Variants in CCDC57 observed in about 807,000 individuals in gnomAD.
The protein encoded by CCDC57 is coiled-coil domain containing 57.
In CCDC57, 118 loss-of-function variants were observed where a neutral mutation model predicts 118.9. The ratio of observed to expected loss-of-function variants is 0.99; its 90% CI spans 0.86 to 1.16. The LOEUF (loss-of-function observed/expected upper bound fraction) is 1.16. CCDC57 is among the 50% of genes most tolerant of loss of function. CCDC57 has a pLI of 0.00. For missense variants in CCDC57, 1,300 were observed against 1,320.7 expected, an observed-to-expected ratio of 0.98 and a Z score of 0.24; for synonymous variants, 527 against 532.9, an observed-to-expected ratio of 0.99 and a Z score of 0.15.
At chr17:82,164,577 A>C (rs992519785) in intron 13 of CCDC57, among the ~76,000 whole-genome samples, 1 of 152,316 alleles carries the variant, frequency 6.6e-6, no homozygotes, top group African/African-American at 2.4e-5. Context: ...GCAAATGACC[A>C]ATATAATTAA....
intron 9 of CCDC57, 95 bp from the exon 9 acceptor site, chr17:82,179,284 TC>T: frequency 7.2e-7 from 1 of 1,392,384 alleles, no homozygotes; most frequent in Non-Finnish European, 9.7e-7. Context: ...GCTGCCGCTG[TC>T]CCTCCTGCTC....
intron 16 of CCDC57, chr17:82,135,341 A>G (rs1598799356): frequency 1.3e-5 from 2 of 152,208 alleles, no homozygotes; most frequent in Non-Finnish European, 1.5e-5. Flanking sequence ...ACCTCAGGTG[A>G]TCTGCCCGCC....
chr17:82,150,277 A>T (rs2041752859), intron 16 of CCDC57, among the ~76,000 whole-genome samples: 1 of 141,654 alleles, frequency 7.1e-6, no homozygotes, highest in African/African-American at 2.7e-5. Flanking sequence ...ACCCAGAACC[A>T]GGCGCACACC....
rs2050231754 is a variant in CCDC57 at position 82,212,395 on chromosome 17, CTCTTTTTTTTT to C, written c.-211+379_-211+389del. Among the ~76,000 whole-genome samples, 1 of 134,224 alleles carries C rather than the reference CTCTTTTTTTTT, an allele frequency of 7.5e-6. No homozygotes were observed. The highest frequency in any genetic ancestry group is 2.9e-5 in the African/African-American group (1 of 34,278). The allele number at this position is 134,224 out of a possible 152,430, so 88.1% of individuals were successfully genotyped here. A position where few individuals can be genotyped will look rare whatever the true frequency, so the allele number is the denominator to read the frequency against. ...ACCGCCTCCGGCCTTTTTTTTTCCT[CTCTTTTTTTTT>C]TTTTTTTTTTAAACTCACAGACACT... On this transcript the variant is annotated intron_variant, in intron 1 of 19. Transcript: ENST00000665763. This position sits in a 1 kb window ranked among gnomAD's most constrained non-coding sequence, Gnocchi z 4.1.
intron 19 of CCDC57, among the ~76,000 whole-genome samples, chr17:82,111,748 A>G (rs1480435415): frequency 6.6e-6 from 1 of 151,398 alleles, no homozygotes; most frequent in Non-Finnish European, 1.5e-5. Context: ...TTGAAATTAC[A>G]GGCACCTGCC....
rs990933080 is a variant in CCDC57 at position 82,178,529 on chromosome 17, C to T, written c.1451G>A (p.Arg484Gln). 1.9e-5 allele frequency: 31 copies of T among 1,613,712 alleles called. No individual in the cohort carries two copies. Among genetic ancestry groups the T allele is most frequent in the Non-Finnish European group, 2.4e-5 (28 of 1,179,848 alleles). The change falls in exon 11 of 20, where the codon CGA (arginine) becomes CAA (glutamine). Residue 484 changes from arginine (R) to glutamine (Q), a missense_variant. Transcript: ENST00000665763. The stretch of plus-strand genomic sequence containing the variant: ...CCTCAGGGCCTGCACGGCCTGGTCT[C>T]GTTCCAGGGTCACGGCCTTCAGCAC...
chr17:82,113,042 G>A, intron 19 of CCDC57: 1 of 314,824 alleles, frequency 3.2e-6, no homozygotes, highest in Non-Finnish European at 5.9e-6. Context: ...ATTTCTTAAT[G>A]TATTTACTTT....
intron 13 of CCDC57, among the ~76,000 whole-genome samples, chr17:82,167,454 G>A (rs964303711): frequency 2.6e-5 from 4 of 151,650 alleles, no homozygotes; most frequent in Non-Finnish European, 4.4e-5. Context: ...GGGTTCAAGC[G>A]ATTCTCCTGC....
At chr17:82,188,491 C>T (rs1259887996) in intron 7 of CCDC57, 72 bp from the exon 7 acceptor site, 16 of 1,453,176 alleles carry the variant, frequency 1.1e-5, no homozygotes, top group Middle Eastern at 1.8e-4. Flanking sequence ...TCTTTGGAGG[C>T]GTTCATTGCC....
At chr17:82,127,250 C>T (rs1392874031) in intron 19 of CCDC57, 6 of 985,242 alleles carry the variant, frequency 6.1e-6, no homozygotes, top group East Asian at 1.1e-4. Flanking sequence ...TCACTGGGGT[C>T]GGCCTGGCTC....
At chr17:82,141,850 C>T (rs1428471570) in intron 16 of CCDC57, among the ~76,000 whole-genome samples, 2 of 152,174 alleles carry the variant, frequency 1.3e-5, no homozygotes, top group Non-Finnish European at 2.9e-5. Flanking sequence ...AAATGAGCTT[C>T]CGTAGAAACT....
chr17:82,139,039 A>T (rs1264411282), intron 16 of CCDC57, among the ~76,000 whole-genome samples: 1 of 152,162 alleles, frequency 6.6e-6, no homozygotes, highest in Non-Finnish European at 1.5e-5. Context: ...TTGCCTCTCC[A>T]CTGGATATTC....
intron 16 of CCDC57, among the ~76,000 whole-genome samples, chr17:82,145,352 G>C (rs905265826): frequency 1.4e-5 from 2 of 145,802 alleles, no homozygotes; most frequent in African/African-American, 5.0e-5. Flanking sequence ...TATGAGACCA[G>C]CCTGGCCAAC....
rs777777489 is a variant in CCDC57, at chr17:82,171,721, C to T, written c.1862G>A (p.Arg621His). The change falls in exon 13 of 20, where the codon CGC becomes CAC. Residue 621 changes from arginine (R) to histidine (H), a missense_variant. Arg to His is a conservative substitution (Grantham distance 29). Coordinates refer to ENST00000665763, the Ensembl canonical transcript of CCDC57. The stretch of plus-strand genomic sequence containing the variant: ...CTTACCAGTCGTCTCTGTCGAGGTG[C>T]GGACGCTGGGCTGAGACTCAGCATG... The T allele has an allele frequency of 1.6e-5, 25 of 1,612,540 alleles. No homozygotes were observed. The Admixed American group carries it at 1.7e-4, about 11-fold the overall frequency.
At chr17:82,193,321 C>T (rs558111850) in intron 7 of CCDC57, among the ~76,000 whole-genome samples, 3 of 151,940 alleles carry the variant, frequency 2.0e-5, no homozygotes, top group African/African-American at 7.2e-5. Flanking sequence ...AGGAGGTGGG[C>T]GGGTCATTTG....
Position 82,195,270 on chromosome 17 carries a change from TC to T in CCDC57, c.610del (p.Glu204SerfsTer14). On this transcript the variant is annotated frameshift_variant, in exon 5 of 20. Coordinates refer to ENST00000665763, the Ensembl canonical transcript of CCDC57. LOFTEE classifies it high-confidence loss of function. ...AAGGGTGCCCCCAGTTACCTTAAGC[TC>T]CCGGGACAAGGCTGTGTTGCTCATG... The T allele has an allele frequency of 6.3e-7, 1 of 1,592,182 alleles. No individual in the cohort carries two copies.
Position 82,212,314 on chromosome 17 carries a change from C to T in CCDC57, c.-211+471G>A, listed in dbSNP as rs1409664234. 6.6e-6 allele frequency among the ~76,000 whole-genome samples: 1 copy of T among 151,948 alleles called. No homozygotes were observed. The highest frequency in any genetic ancestry group is 1.5e-5 in the Non-Finnish European group (1 of 67,978). On this transcript the variant is annotated intron_variant, in intron 1 of 19. Transcript: ENST00000665763. The surrounding 1 kb of genome is among the most constrained non-coding windows in gnomAD (Gnocchi z 4.1). ...GGCCAGGCTGGTCTCGAACTCCGGG[C>T]CTCAAGCAATCTGCCCGCCTCTGCC...
chr17:82,203,788 G>A (rs2049269521), intron 2 of CCDC57, among the ~76,000 whole-genome samples: 1 of 152,206 alleles, frequency 6.6e-6, no homozygotes, highest in Non-Finnish European at 1.5e-5. Context: ...CCAGTTGGGG[G>A]ACAAGCACAA....
chr17:82,121,027 T>G (rs961829546), intron 19 of CCDC57, among the ~76,000 whole-genome samples: 1 of 152,132 alleles, frequency 6.6e-6, no homozygotes, highest in Non-Finnish European at 1.5e-5. Context: ...AGTGCTGGGA[T>G]TACAGGGGTG....
Sources: gnomAD v4.1 joint callset for allele counts (sites outside exome capture counted in the v4.1 genomes callset) on GRCh38, gnomAD v4.1.1 for gene constraint, Gnocchi (gnomAD v3.1) non-coding constraint, MANE v1.5 for transcripts, NCBI Gene and HGNC (gene_info 2026-07-23, HGNC 2026-07-21) for gene names.